PPARGC1A: variants seen among roughly 807,000 people sequenced by gnomAD.
The protein encoded by PPARGC1A is PPARG coactivator 1 alpha.
In PPARGC1A, 25 loss-of-function variants were observed where a neutral mutation model predicts 88.7. The ratio of observed to expected loss-of-function variants is 0.28; its 90% confidence interval spans 0.21 to 0.39. The LOEUF is 0.39. PPARGC1A is among the 10% of genes least tolerant of loss of function. PPARGC1A has a pLI of 1.00. For synonymous variants in PPARGC1A, 363 were observed against 355.6 expected (o/e 1.02, Z -0.24); for missense variants, 880 against 968.7 (o/e 0.91, Z 1.22).
chr4:23,814,205 G>A lies in PPARGC1A; in HGVS notation c.1278C>T (p.Ser426=). The change falls in exon 8 of 13, where the codon TCC becomes TCT. Residue 426 remains serine, a synonymous_variant. Transcript: ENST00000264867. The part of the protein sequence containing the change: ...SSDWQGQICS[S]TDSDQCYLRE... ...TCAGGTAGCACTGGTCTGAATCTGT[G>A]GAAGAACAAATCTGCCCCTGCCAAT... The A allele has an allele frequency of 6.2e-7, 1 of 1,614,066 alleles. No homozygotes were observed. Among genetic ancestry groups the A allele is most frequent in the South Asian group, 1.1e-5 (1 of 91,078 alleles).
intron 7 of PPARGC1A, among the ~76,000 whole-genome samples, chr4:23,824,004 T>C (rs1490184887): frequency 6.6e-6 from 1 of 152,134 alleles, no homozygotes; most frequent in Non-Finnish European, 1.5e-5. Context: ...GTACCTAAAC[T>C]TAAAGCACTT....
the PPARGC1A span, among the ~76,000 whole-genome samples, chr4:24,405,144 A>T: frequency 1.3e-5 from 2 of 152,228 alleles, no homozygotes; most frequent in Admixed American, 1.3e-4. Context: ...ATAAAAATAA[A>T]ATAGTCAATC....
the PPARGC1A span, among the ~76,000 whole-genome samples, chr4:23,919,806 A>G: frequency 6.6e-6 from 1 of 152,228 alleles, no homozygotes; most frequent in Non-Finnish European, 1.5e-5. Flanking sequence ...GTAGCTTAGC[A>G]GAACATACAG....
the PPARGC1A span, among the ~76,000 whole-genome samples, chr4:24,333,352 AATGTAATATATTTTT>A: frequency 6.6e-6 from 1 of 152,116 alleles, no homozygotes; most frequent in African/African-American, 2.4e-5. Flanking sequence ...TTTTTTAATC[AATGTAATATATTTTT>A]TACTATTTCT....
the PPARGC1A span, among the ~76,000 whole-genome samples, chr4:24,449,309 G>A: frequency 5.9e-5 from 9 of 152,292 alleles, 1 homozygote; most frequent in Middle Eastern, 0.01. Context: ...TTTCTCTGAT[G>A]CAAACCCTGC....
chr4:24,278,743 C>G, the PPARGC1A span, among the ~76,000 whole-genome samples: 1 of 152,092 alleles, frequency 6.6e-6, no homozygotes, highest in African/African-American at 2.4e-5. Flanking sequence ...AACAAACTGA[C>G]AAATCCCTAC....
chr4:24,082,460 C>T, the PPARGC1A span, among the ~76,000 whole-genome samples: 1 of 152,050 alleles, frequency 6.6e-6, no homozygotes, highest in Non-Finnish European at 1.5e-5. Flanking sequence ...TGTACAGTGG[C>T]TCTGTGTACT....
At chr4:23,988,099 C>A in the PPARGC1A span, among the ~76,000 whole-genome samples, 1 of 152,054 alleles carries the variant, frequency 6.6e-6, no homozygotes, top group African/African-American at 2.4e-5. Flanking sequence ...ATCCTTGTCC[C>A]TGCAAAGGAC....
the PPARGC1A span, among the ~76,000 whole-genome samples, chr4:24,278,360 T>C: frequency 6.6e-6 from 1 of 152,130 alleles, no homozygotes; most frequent in Admixed American, 6.5e-5. Flanking sequence ...AGAAAAACAA[T>C]CCATACCTTC....
the PPARGC1A span, among the ~76,000 whole-genome samples, chr4:23,917,870 T>C: frequency 6.6e-6 from 1 of 152,246 alleles, no homozygotes; most frequent in African/African-American, 2.4e-5. Flanking sequence ...AGCAAATCAA[T>C]ATCGCCACTC....
chr4:23,897,858 T>C (rs887200621), intron 1 of PPARGC1A, among the ~76,000 whole-genome samples: 1 of 152,200 alleles, frequency 6.6e-6, no homozygotes, highest in African/African-American at 2.4e-5. Context: ...GCTTTCATCT[T>C]GTTTATCATT....
chr4:24,192,428 T>A, the PPARGC1A span, among the ~76,000 whole-genome samples: 11 of 152,324 alleles, frequency 7.2e-5, no homozygotes, highest in South Asian at 1.7e-3. Flanking sequence ...ACGTCAGTAG[T>A]TAATGTTTAG....
the PPARGC1A span, among the ~76,000 whole-genome samples, chr4:24,353,740 G>A: frequency 6.6e-6 from 1 of 152,132 alleles, no homozygotes; most frequent in Non-Finnish European, 1.5e-5. Context: ...CATCATCCAA[G>A]TCTTCTGACA....
chr4:24,235,306 C>T, the PPARGC1A span, among the ~76,000 whole-genome samples: 2 of 152,150 alleles, frequency 1.3e-5, no homozygotes, highest in African/African-American at 4.8e-5. Flanking sequence ...ATAAAGGTAT[C>T]TTGAAAACCT....
chr4:24,080,641 G>A, the PPARGC1A span, among the ~76,000 whole-genome samples: 1 of 152,064 alleles, frequency 6.6e-6, no homozygotes, highest in African/African-American at 2.4e-5. Flanking sequence ...TTTTTACTCA[G>A]TGCTTTCTGT....
At chr4:23,875,128 G>A (rs1481168923) in intron 2 of PPARGC1A, among the ~76,000 whole-genome samples, 1 of 152,170 alleles carries the variant, frequency 6.6e-6, no homozygotes, top group Non-Finnish European at 1.5e-5. Context: ...AGAAGTTCAA[G>A]TTAGTATCCC....
At chr4:24,105,834 G>T in the PPARGC1A span, among the ~76,000 whole-genome samples, 1 of 152,182 alleles carries the variant, frequency 6.6e-6, no homozygotes, top group Non-Finnish European at 1.5e-5. Context: ...CAAGGGGAAG[G>T]TTTTCGGAGA....
intron 1 of PPARGC1A, among the ~76,000 whole-genome samples, chr4:23,889,664 C>T (rs1717512058): frequency 6.6e-6 from 1 of 152,126 alleles, no homozygotes; most frequent in Non-Finnish European, 1.5e-5. Flanking sequence ...GAAAGAGTTT[C>T]TAACTGCAAC....
intron 2 of PPARGC1A, among the ~76,000 whole-genome samples, chr4:23,849,094 A>G (rs1337953780): frequency 6.6e-6 from 1 of 152,282 alleles, no homozygotes; most frequent in African/African-American, 2.4e-5. Context: ...CAGTGAGCCG[A>G]GATTGCCCCA....
Sources: gnomAD v4.1 joint callset for allele counts (sites outside exome capture counted in the v4.1 genomes callset) on GRCh38, gnomAD v4.1.1 for gene constraint, MANE v1.5 for transcripts, NCBI Gene and HGNC (gene_info 2026-07-23, HGNC 2026-07-21) for gene names.